Variants in TMEM132C observed in about 807,000 individuals in gnomAD.
TMEM132C encodes the protein protein phosphatase 1, regulatory subunit 152.
In TMEM132C, 29 loss-of-function variants were observed where a neutral mutation model predicts 61.4. The observed-to-expected ratio is 0.47, with a 90% CI of 0.35 to 0.64. The LOEUF is 0.64. TMEM132C is among the 30% of genes least tolerant of loss of function. The pLI is 0.00. For missense variants in TMEM132C, 1,408 were observed against 1,476.9 expected (o/e 0.95, Z 0.76); for synonymous variants, 656 against 633.1 (o/e 1.04, Z -0.54).
At chr12:128,573,052 C>G (rs1421054705) in intron 3 of TMEM132C, among the ~76,000 whole-genome samples, 1 of 152,184 alleles carries the variant, frequency 6.6e-6, no homozygotes, top group African/African-American at 2.4e-5. Context: ...GGCGATTCCT[C>G]AAGGATCTAG....
chr12:128,558,557 A>G (rs1157957775), intron 3 of TMEM132C, among the ~76,000 whole-genome samples: 1 of 152,246 alleles, frequency 6.6e-6, no homozygotes, highest in Non-Finnish European at 1.5e-5. Context: ...TCTGTCCTTC[A>G]TAAATCATAA....
At chr12:128,392,095 TC>T (rs1285877431) in intron 1 of TMEM132C, among the ~76,000 whole-genome samples, 7 of 147,632 alleles carry the variant, frequency 4.7e-5, no homozygotes, top group African/African-American at 1.8e-4. Flanking sequence ...TCTCTCTCTC[TC>T]TCAGAGATGT....
At chr12:128,517,073 A>G (rs531192065) in intron 2 of TMEM132C, among the ~76,000 whole-genome samples, 1 of 151,746 alleles carries the variant, frequency 6.6e-6, no homozygotes, top group Non-Finnish European at 1.5e-5. Context: ...ATACAAAAAA[A>G]AAAAAAAATT....
intron 4 of TMEM132C, among the ~76,000 whole-genome samples, chr12:128,621,422 A>G (rs180913829): frequency 1.6e-4 from 24 of 152,304 alleles, no homozygotes; most frequent in African/African-American, 5.5e-4. Context: ...GAAGAGGGCC[A>G]TGTGAGGATG....
intron 3 of TMEM132C, among the ~76,000 whole-genome samples, chr12:128,584,802 G>A (rs1006929572): frequency 2.6e-5 from 4 of 152,160 alleles, no homozygotes; most frequent in African/African-American, 9.7e-5. Flanking sequence ...CGAGGGCCGG[G>A]GGGTCTTTGC....
At chr12:128,613,500 C>T (rs1328397346) in intron 3 of TMEM132C, among the ~76,000 whole-genome samples, 1 of 152,204 alleles carries the variant, frequency 6.6e-6, no homozygotes, top group Non-Finnish European at 1.5e-5. Context: ...AGTTTGGAAA[C>T]ACTCTAGACT....
chr12:128,696,183 A>C, intron 7 of TMEM132C, 80 bp downstream of exon 7: 7 of 1,477,822 alleles, frequency 4.7e-6, no homozygotes, highest in Non-Finnish European at 5.4e-6. Flanking sequence ...TGGGCAGATC[A>C]CTGTGGCCGA....
intron 3 of TMEM132C, among the ~76,000 whole-genome samples, chr12:128,583,273 C>A (rs774186715): frequency 6.9e-6 from 1 of 145,372 alleles, no homozygotes; most frequent in Non-Finnish European, 1.5e-5. Context: ...GTGCCAACAT[C>A]GTACACTATA....
intron 2 of TMEM132C, among the ~76,000 whole-genome samples, chr12:128,421,513 C>T (rs114868471): frequency 1.3e-3 from 203 of 152,280 alleles, no homozygotes; most frequent in African/African-American, 4.4e-3. Context: ...ACTGAGAGGG[C>T]CTGGACTTCT....
chr12:128,537,343 G>A (rs936790969), intron 2 of TMEM132C, among the ~76,000 whole-genome samples: 9 of 152,164 alleles, frequency 5.9e-5, no homozygotes, highest in South Asian at 4.1e-4. Flanking sequence ...GCTGGTTTCC[G>A]TTTAGCCCTC....
intron 2 of TMEM132C, among the ~76,000 whole-genome samples, chr12:128,459,711 C>G (rs549244661): frequency 1.3e-5 from 2 of 151,674 alleles, no homozygotes; most frequent in African/African-American, 4.8e-5. Flanking sequence ...ATGGTGAAAC[C>G]CTGTCTCTAC....
intron 1 of TMEM132C, among the ~76,000 whole-genome samples, chr12:128,373,261 A>C (rs2139051): frequency 1.1e-4 from 16 of 152,240 alleles, no homozygotes; most frequent in African/African-American, 3.9e-4. Flanking sequence ...CAAGAAAGGA[A>C]GGAGTGGAGC....
At chr12:128,661,056 A>T (rs1954384506) in intron 4 of TMEM132C, among the ~76,000 whole-genome samples, 1 of 151,846 alleles carries the variant, frequency 6.6e-6, no homozygotes, top group African/African-American at 2.4e-5. Context: ...TAGATGATAG[A>T]CACATAAATA....
At chr12:128,702,619 G>C (rs1243293622) in intron 8 of TMEM132C, among the ~76,000 whole-genome samples, 3 of 152,140 alleles carry the variant, frequency 2.0e-5, no homozygotes, top group Non-Finnish European at 4.4e-5. Context: ...GCTTTGTTTT[G>C]TTCTGAAGGA....
intron 3 of TMEM132C, among the ~76,000 whole-genome samples, chr12:128,554,582 G>T (rs1029692256): frequency 6.6e-6 from 1 of 152,182 alleles, no homozygotes; most frequent in African/African-American, 2.4e-5. Flanking sequence ...TCAAAATAAT[G>T]CCTGTTTTCT....
intron 3 of TMEM132C, among the ~76,000 whole-genome samples, chr12:128,574,179 T>C (rs948608274): frequency 6.6e-6 from 1 of 152,206 alleles, no homozygotes; most frequent in African/African-American, 2.4e-5. Flanking sequence ...GACACTTCTA[T>C]TTCCCTGCTC....
chr12:128,661,587 A>G (rs1004743580), intron 4 of TMEM132C, among the ~76,000 whole-genome samples: 2 of 151,980 alleles, frequency 1.3e-5, no homozygotes, highest in Non-Finnish European at 2.9e-5. Flanking sequence ...CTGGATACAT[A>G]TGCACATGGA....
chr12:128,620,095 G>A (rs184769607), intron 4 of TMEM132C, among the ~76,000 whole-genome samples: 30 of 151,918 alleles, frequency 2.0e-4, no homozygotes, highest in Admixed American at 1.8e-3. Context: ...AGCCAGGTGC[G>A]GTAGCACACA....
At chr12:128,493,034 T>C (rs528989274) in intron 2 of TMEM132C, among the ~76,000 whole-genome samples, 1,852 of 152,284 alleles carry the variant, frequency 0.012, 48 homozygotes, top group African/African-American at 0.042. Context: ...GTATAAGGTG[T>C]AAGGAAGGGA....
Sources: allele counts gnomAD v4.1 joint callset (sites outside exome capture counted in the v4.1 genomes callset), GRCh38; gene constraint gnomAD v4.1.1; transcripts MANE v1.5; gene names NCBI Gene and HGNC (gene_info 2026-07-23, HGNC 2026-07-21).